The following ARL6IP6 variants were observed in gnomAD, a reference collection of about 807,000 sequenced individuals.
The protein encoded by ARL6IP6 is ARF like GTPase 6 interacting protein 6.
In ARL6IP6, 22 loss-of-function variants were observed where a neutral mutation model predicts 21.5. The ratio of observed to expected loss-of-function variants is 1.02; its 90% confidence interval spans 0.73 to 1.46. ARL6IP6 has a LOEUF of 1.46. Among genes scored for constraint, ARL6IP6 ranks in the 40% most tolerant of loss-of-function variants. ARL6IP6 has a pLI of 0.00. For missense variants in ARL6IP6, 388 were observed against 299.8 expected, an observed-to-expected ratio of 1.29 and a Z score of -2.17; for synonymous variants, 164 against 125.3, an observed-to-expected ratio of 1.31 and a Z score of -2.06.
intron 3 of ARL6IP6, among the ~76,000 whole-genome samples, chr2:152,749,880 G>C (rs987993442): frequency 8.5e-5 from 13 of 152,298 alleles, no homozygotes; most frequent in Non-Finnish European, 1.3e-4. Context: ...TAGATCTAAA[G>C]AAACGTTCTG....
In ARL6IP6 at chr2:152,761,620, C is replaced by T. The variant is rs1263200494; in HGVS notation, c.*1780C>T. ...GAACTGTACTTATGATAGTGAATCC[C>T]CCCGTAAGATTATACTGCTGCATTT... On this transcript the variant is annotated 3_prime_UTR_variant, in exon 4 of 4. Coordinates refer to ENST00000326446, the MANE Select transcript of ARL6IP6 (RefSeq NM_152522.7). 6.6e-6 allele frequency among the ~76,000 whole-genome samples: 1 copy of T among 152,170 alleles called. No homozygotes were observed. Among genetic ancestry groups the T allele is most frequent in the Non-Finnish European group, 1.5e-5 (1 of 68,046 alleles).
At chr2:152,717,875 C>T (rs913842211), upstream of ARL6IP6, 3 of 1,056,134 alleles carry the variant, frequency 2.8e-6, no homozygotes, top group Non-Finnish European at 3.4e-6. Context: ...GGTAAGCAGC[C>T]TGTAGTGTTA....
In ARL6IP6 at chr2:152,734,990, T is replaced by A. The variant is rs756690362; in HGVS notation, c.455-4T>A. The A allele has an allele frequency of 6.2e-7, 1 of 1,611,908 alleles. No homozygotes were observed. Among genetic ancestry groups the A allele is most frequent in the South Asian group, 1.1e-5 (1 of 90,990 alleles). Reference sequence around the variant, plus strand: ...TACTTTTTCCCCTCTCTTTTCCTGTTAAGGATTCTGGACTCTACTTATAAT... The same window carrying A: ...TACTTTTTCCCCTCTCTTTTCCTGTAAAGGATTCTGGACTCTACTTATAAT... On this transcript the variant is annotated splice_region_variant and splice_polypyrimidine_tract_variant and intron_variant, in intron 2 of 3. Coordinates refer to ENST00000326446, the MANE Select transcript of ARL6IP6 (RefSeq NM_152522.7).
chr2:152,750,204 C>T (rs11676069), intron 3 of ARL6IP6, among the ~76,000 whole-genome samples: 19,529 of 152,150 alleles, frequency 0.13, 1,548 homozygotes, highest in Middle Eastern at 0.24. Context: ...TGAGACCGAG[C>T]GCAGTGGCTC....
At chr2:152,736,549 A>G (rs935583403) in intron 3 of ARL6IP6, among the ~76,000 whole-genome samples, 1 of 152,176 alleles carries the variant, frequency 6.6e-6, no homozygotes, top group African/African-American at 2.4e-5. Flanking sequence ...AAATGTCATT[A>G]GAATGCTTCC....
At chr2:152,717,832 T>G, upstream of ARL6IP6, 1 of 1,106,120 alleles carries the variant, frequency 9.0e-7, no homozygotes, top group Non-Finnish European at 1.1e-6. Context: ...CCCACAAACC[T>G]GAGGCCGCCA....
chr2:152,717,666 T>G, upstream of ARL6IP6: 9 of 1,401,872 alleles, frequency 6.4e-6, no homozygotes, highest in African/African-American at 1.5e-5. Flanking sequence ...AGGAAGTTTC[T>G]GCGCCGAGTC....
Position 152,761,179 on chromosome 2 carries a change from G to T in ARL6IP6, c.*1339G>T, listed in dbSNP as rs912020670. On this transcript the variant is annotated 3_prime_UTR_variant, in exon 4 of 4. Transcript: ENST00000326446. Reference sequence around the variant, plus strand: ...ACTAAACAAGGTTTCTAAAAGTCTCGCATTTCTTTTACTATTCAAAACTCT... The same window carrying T: ...ACTAAACAAGGTTTCTAAAAGTCTCTCATTTCTTTTACTATTCAAAACTCT... 1.3e-5 allele frequency: 2 copies of T among 152,018 alleles called. No individual in the cohort carries two copies. The highest frequency in any genetic ancestry group is 6.6e-5 in the Admixed American group (1 of 15,246). 9.4% of individuals were successfully genotyped at this position (152,018 alleles called of 1,614,324 possible).
chr2:152,733,284 G>C (rs374795405), intron 2 of ARL6IP6, among the ~76,000 whole-genome samples: 5 of 152,104 alleles, frequency 3.3e-5, no homozygotes, highest in African/African-American at 1.2e-4. Flanking sequence ...GTTTGTTTTT[G>C]AGAAAGAGTC....
Position 152,718,987 on chromosome 2 carries a change from C to T in ARL6IP6, c.363C>T (p.Leu121=), listed in dbSNP as rs777244831. 11 of 1,584,294 alleles carry T rather than the reference C, an allele frequency of 6.9e-6. No homozygotes were observed. The highest frequency in any genetic ancestry group is 3.4e-5 in the South Asian group (3 of 87,688). ...ILCSLLFAIL[L]AFLLAIAYLI... ...GCTCGCTGCTCTTCGCCATTCTTCT[C>T]GCCTTCCTCCTCGCCATCGCCTACT... Residue 121 remains leucine, a synonymous_variant, in exon 1 of 4, where the codon CTC becomes CTT. Transcript: ENST00000326446.
intron 2 of ARL6IP6, among the ~76,000 whole-genome samples, chr2:152,730,943 C>T (rs1039976293): frequency 2.0e-5 from 3 of 152,206 alleles, no homozygotes; most frequent in African/African-American, 7.2e-5. Context: ...CACATAAGTG[C>T]AAACATGCAT....
chr2:152,721,761 G>A, intron 2 of ARL6IP6, among the ~76,000 whole-genome samples: 1 of 152,184 alleles, frequency 6.6e-6, no homozygotes. Context: ...CCCTTATGGT[G>A]ACACTAAGTA....
chr2:152,718,985 C>G lies in ARL6IP6; in HGVS notation c.361C>G (p.Leu121Val), dbSNP rs1699503601. The G allele has an allele frequency of 6.3e-7, 1 of 1,585,724 alleles. No individual in the cohort carries two copies. The highest frequency in any genetic ancestry group is 1.1e-5 in the South Asian group (1 of 87,820). Reference sequence around the variant, plus strand: ...CTGCTCGCTGCTCTTCGCCATTCTTCTCGCCTTCCTCCTCGCCATCGCCTA... The same window carrying G: ...CTGCTCGCTGCTCTTCGCCATTCTTGTCGCCTTCCTCCTCGCCATCGCCTA... Reference protein sequence around the residue: ...ILCSLLFAILLAFLLAIAYLI... With the variant: ...ILCSLLFAILVAFLLAIAYLI... Residue 121 changes from leucine (L) to valine (V), a missense_variant, in exon 1 of 4, where the codon CTC becomes GTC. Transcript: ENST00000326446.
At position 152,755,319 on chromosome 2, in the gene ARL6IP6, G is replaced by A. The variant is rs28514650; in HGVS notation, c.588-4428G>A. On this transcript the variant is annotated intron_variant, in intron 3 of 3. Coordinates refer to ENST00000326446, the MANE Select transcript of ARL6IP6 (RefSeq NM_152522.7). ...GGAAGGGGAGTTTCCCTTTCCCCGGGGGAGTTTAGGGAAGACTGTACTCCT... is the reference window on the plus strand; with the variant it reads ...GGAAGGGGAGTTTCCCTTTCCCCGGAGGAGTTTAGGGAAGACTGTACTCCT... 1.8e-3 allele frequency among the ~76,000 whole-genome samples: 280 copies of A among 152,262 alleles called. 2 individuals are homozygous for A. Among genetic ancestry groups the A allele is most frequent in the African/African-American group, 6.6e-3 (273 of 41,570 alleles).
Position 152,762,313 on chromosome 2 carries a change from C to A in ARL6IP6, c.*2473C>A, listed in dbSNP as rs1313694202. Among the ~76,000 whole-genome samples the A allele has an allele frequency of 6.6e-6, 1 of 152,330 alleles. No individual in the cohort carries two copies. Among genetic ancestry groups the A allele is most frequent in the East Asian group, 1.9e-4 (1 of 5,190 alleles). On this transcript the variant is annotated 3_prime_UTR_variant, in exon 4 of 4. Transcript: ENST00000326446. ...ATAACGGATATTGCTAATGGCGTTA[C>A]CCTGGTCCCTGAAGCCCAGTGGCAA...
chr2:152,732,712 T>G (rs1351126596), intron 2 of ARL6IP6: 1 of 274,796 alleles, frequency 3.6e-6, no homozygotes, highest in Non-Finnish European at 7.2e-6. Context: ...CAGGACCCCC[T>G]CTGGATACCA....
intron 2 of ARL6IP6, among the ~76,000 whole-genome samples, chr2:152,728,703 C>G (rs1700158183): frequency 6.6e-6 from 1 of 152,078 alleles, no homozygotes; most frequent in Non-Finnish European, 1.5e-5. Flanking sequence ...TCCTACCCAT[C>G]CCTGTTTTTG....
intron 2 of ARL6IP6, among the ~76,000 whole-genome samples, chr2:152,723,347 T>C (rs1175997989): frequency 6.6e-6 from 1 of 152,260 alleles, no homozygotes; most frequent in Non-Finnish European, 1.5e-5. Context: ...ACTATTTATT[T>C]TGCCCTGTTT....
At chr2:152,729,847 T>C (rs1700221613) in intron 2 of ARL6IP6, among the ~76,000 whole-genome samples, 1 of 152,006 alleles carries the variant, frequency 6.6e-6, no homozygotes, top group South Asian at 2.1e-4. Context: ...AGGAAGAATT[T>C]CATTTAATAT....
Sources: allele counts gnomAD v4.1 joint callset (sites outside exome capture counted in the v4.1 genomes callset), GRCh38; gene constraint gnomAD v4.1.1; transcripts MANE v1.5; gene names NCBI Gene and HGNC (gene_info 2026-07-23, HGNC 2026-07-21).